The following ALG6 variants were observed in gnomAD, a reference collection of about 807,000 sequenced individuals.
ALG6 encodes the protein ALG6 alpha-1,3-glucosyltransferase.
In ALG6, 46 loss-of-function variants were observed where a neutral mutation model predicts 66.6. That is an observed-to-expected ratio of 0.69 (90% CI 0.55 to 0.88). The LOEUF (loss-of-function observed/expected upper bound fraction) is 0.88, where lower values mean the gene tolerates loss of function less well. Among genes scored for constraint, ALG6 ranks in the 40% least tolerant of loss-of-function variants. The probability of loss-of-function intolerance (pLI) is 0.00; values close to 1 mark genes in which losing one functional copy is unlikely to be tolerated. For missense variants in ALG6, 505 were observed against 586.8 expected, an observed-to-expected ratio of 0.86 and a Z score of 1.44; for synonymous variants, 185 against 203.7, an observed-to-expected ratio of 0.91 and a Z score of 0.78.
rs908175212 is a variant in ALG6 at position 63,370,859 on chromosome 1, G to A, written c.-119G>A. 15 of 763,036 alleles carry A rather than the reference G, an allele frequency of 2.0e-5. No individual in the cohort carries two copies. The highest frequency in any genetic ancestry group is 1.2e-4 in the Admixed American group (6 of 52,014). 47.3% of individuals were successfully genotyped at this position (763,036 alleles called of 1,614,324 possible). A position where few individuals can be genotyped will look rare whatever the true frequency, so the allele number is the denominator to read the frequency against. ...CTCAAACTCCTAATTGCGAAGAATCGATAACATTTCAAGAAGTGATAACAT... is the reference window on the plus strand; with the variant it reads ...CTCAAACTCCTAATTGCGAAGAATCAATAACATTTCAAGAAGTGATAACAT... On this transcript the variant is annotated 5_prime_UTR_variant, in exon 2 of 15. Coordinates refer to ENST00000263440, the MANE Select transcript of ALG6 (RefSeq NM_013339.4).
intron 5 of ALG6, among the ~76,000 whole-genome samples, chr1:63,405,583 T>C (rs752273809): frequency 3.3e-5 from 5 of 152,142 alleles, no homozygotes; most frequent in Non-Finnish European, 7.4e-5. Context: ...TTTTGAGGAC[T>C]CTCGCCACTC....
At chr1:63,386,123 A>G (rs1648495468) in intron 2 of ALG6, among the ~76,000 whole-genome samples, 1 of 152,096 alleles carries the variant, frequency 6.6e-6, no homozygotes, top group Non-Finnish European at 1.5e-5. Flanking sequence ...ACATTGATTG[A>G]TTTGCATATG....
chr1:63,416,449 C>T (rs1463307739), intron 11 of ALG6, among the ~76,000 whole-genome samples: 1 of 151,424 alleles, frequency 6.6e-6, no homozygotes, highest in Non-Finnish European at 1.5e-5. Context: ...GTTGAAGGTC[C>T]AGAGGTGGGA....
At chr1:63,396,679 TTTC>T in intron 3 of ALG6, 82 bp downstream of exon 3, 1 of 1,220,154 alleles carries the variant, frequency 8.2e-7, no homozygotes, top group Non-Finnish European at 1.2e-6. Context: ...AACACGCTAT[TTTC>T]TTCATCTTGA....
At chr1:63,397,108 C>T (rs183552747) in intron 3 of ALG6, among the ~76,000 whole-genome samples, 14 of 151,852 alleles carry the variant, frequency 9.2e-5, no homozygotes, top group South Asian at 2.1e-4. Flanking sequence ...CTTTGAATAC[C>T]GTGCATCTAG....
chr1:63,398,625 A>G (rs1156448499), intron 3 of ALG6, among the ~76,000 whole-genome samples: 1 of 150,946 alleles, frequency 6.6e-6, no homozygotes, highest in Non-Finnish European at 1.5e-5. Context: ...GGCGCCCACC[A>G]CCACGCCTGG....
At chr1:63,373,714 G>A (rs980511647) in intron 2 of ALG6, among the ~76,000 whole-genome samples, 4 of 140,772 alleles carry the variant, frequency 2.8e-5, no homozygotes, top group Non-Finnish European at 6.0e-5. Flanking sequence ...AGGCTGGAGT[G>A]CAGTGGCATG....
At chr1:63,390,614 A>G (rs1175780838) in intron 2 of ALG6, among the ~76,000 whole-genome samples, 1 of 152,214 alleles carries the variant, frequency 6.6e-6, no homozygotes, top group Non-Finnish European at 1.5e-5. Flanking sequence ...TTTCAAATTT[A>G]TTTAAGACCC....
chr1:63,416,291 G>T (rs1267258614), intron 11 of ALG6, among the ~76,000 whole-genome samples: 1 of 152,064 alleles, frequency 6.6e-6, no homozygotes, highest in Non-Finnish European at 1.5e-5. Flanking sequence ...GAAGTCCTAT[G>T]ATGGTGTGGG....
intron 2 of ALG6, among the ~76,000 whole-genome samples, chr1:63,388,368 T>C (rs1648569330): frequency 6.6e-6 from 1 of 152,200 alleles, no homozygotes; most frequent in South Asian, 2.1e-4. Context: ...GGTTTGGCCA[T>C]GTTCCCCAGG....
chr1:63,427,809 T>C lies in ALG6; in HGVS notation c.1059-924T>C, dbSNP rs1017837066. 4.0e-5 allele frequency among the ~76,000 whole-genome samples: 6 copies of C among 148,590 alleles called. No homozygotes were observed. The East Asian group carries it at 1.2e-3, about 29-fold the overall frequency. On this transcript the variant is annotated intron_variant, in intron 12 of 14. Transcript: ENST00000263440. Reference sequence around the variant, plus strand: ...CAACTTTTTTTTTTTTTTTTTTTTTTTGGAGATGGAGTCTCGCCCTGTCAT... The same window carrying C: ...CAACTTTTTTTTTTTTTTTTTTTTTCTGGAGATGGAGTCTCGCCCTGTCAT...
chr1:63,407,187 G>A, intron 7 of ALG6, 61 bp downstream of exon 7: 3 of 1,189,620 alleles, frequency 2.5e-6, no homozygotes, highest in South Asian at 1.2e-5. Flanking sequence ...GACTCAATGT[G>A]TACATTGCTG....
rs561888453 is a variant in ALG6 at position 63,437,207 on chromosome 1, A to G, written c.*187A>G. 1.1e-4 allele frequency: 60 copies of G among 568,476 alleles called. No homozygotes were observed. The highest frequency in any genetic ancestry group is 8.0e-4 in the East Asian group (25 of 31,080). 35.2% of individuals were successfully genotyped at this position (568,476 alleles called of 1,614,324 possible). A position where few individuals can be genotyped will look rare whatever the true frequency, so the allele number is the denominator to read the frequency against. ...AAATGTATATGGAGACCAAAGACCA[A>G]TGGAGGCTTGTCTAAGTACTGCTTG... On this transcript the variant is annotated 3_prime_UTR_variant, in exon 15 of 15. Coordinates refer to ENST00000263440, the MANE Select transcript of ALG6 (RefSeq NM_013339.4).
At chr1:63,403,490 T>G (rs937826652) in intron 4 of ALG6, among the ~76,000 whole-genome samples, 3 of 152,200 alleles carry the variant, frequency 2.0e-5, no homozygotes, top group Non-Finnish European at 1.5e-5. Context: ...TATTCCATCT[T>G]AGATTTGAAG....
chr1:63,401,627 A>G (rs917033581), intron 3 of ALG6, among the ~76,000 whole-genome samples: 4 of 151,290 alleles, frequency 2.6e-5, no homozygotes, highest in Non-Finnish European at 4.4e-5. Context: ...CAGTGAGCCG[A>G]GATTGCGCCA....
rs1260973999 is a variant in ALG6 at position 63,396,566 on chromosome 1, G to A, written c.136G>A (p.Glu46Lys). The A allele has an allele frequency of 1.7e-5, 27 of 1,613,928 alleles. No individual in the cohort carries two copies. Among genetic ancestry groups the A allele is most frequent in the Non-Finnish European group, 2.3e-5 (27 of 1,179,978 alleles). Residue 46 changes from glutamate to lysine, a missense_variant, in exon 3 of 15, where the codon GAA becomes AAA. Coordinates refer to ENST00000263440, the MANE Select transcript of ALG6 (RefSeq NM_013339.4). ...TTATGAAGCTCAGAGACACTGGCAA[G>A]AAATAACTTTTAATTTACCGGTCAA... ...GDYEAQRHWQ[E>K]ITFNLPVKQW...
chr1:63,434,405 T>TG (rs1481053643), intron 14 of ALG6, among the ~76,000 whole-genome samples: 5 of 152,116 alleles, frequency 3.3e-5, no homozygotes, highest in Admixed American at 6.6e-5. Flanking sequence ...TTGTGTGTGG[T>TG]GGGGGCAGTC....
At chr1:63,405,798 A>T (rs903298610) in intron 5 of ALG6, among the ~76,000 whole-genome samples, 1 of 152,042 alleles carries the variant, frequency 6.6e-6, no homozygotes, top group East Asian at 1.9e-4. Context: ...GTTCTAAAGG[A>T]CTGCATGTTC....
At chr1:63,369,629 C>CA (rs928179648) in intron 1 of ALG6, among the ~76,000 whole-genome samples, 98 of 139,800 alleles carry the variant, frequency 7.0e-4, no homozygotes, top group Admixed American at 1.5e-3. Context: ...AGCTCCATCT[C>CA]AAAAAAAAAG....
Sources: allele counts gnomAD v4.1 joint callset (sites outside exome capture counted in the v4.1 genomes callset), GRCh38; gene constraint gnomAD v4.1.1; transcripts MANE v1.5; gene names NCBI Gene and HGNC (gene_info 2026-07-23, HGNC 2026-07-21).